The following SUPT16H variants were observed in gnomAD, a reference collection of about 807,000 sequenced individuals.
The protein encoded by SUPT16H is SPT16 homolog, facilitates chromatin remodeling subunit.
Under a neutral mutation model 136.2 loss-of-function variants are expected in SUPT16H, and 24 were observed. The ratio of observed to expected loss-of-function variants is 0.18; its 90% CI spans 0.13 to 0.25. The LOEUF (loss-of-function observed/expected upper bound fraction) is 0.25, where lower values mean the gene tolerates loss of function less well. Among genes scored for constraint, SUPT16H ranks in the 10% least tolerant of loss-of-function variants. SUPT16H has a pLI of 1.00. For synonymous variants in SUPT16H, 415 were observed against 428.2 expected, an observed-to-expected ratio of 0.97 and a Z score of 0.38; for missense variants, 623 against 1,270.2, an observed-to-expected ratio of 0.49 and a Z score of 7.74.
intron 1 of SUPT16H, among the ~76,000 whole-genome samples, chr14:21,374,897 G>A (rs1283756758): frequency 3.3e-5 from 5 of 152,206 alleles, no homozygotes; most frequent in African/African-American, 1.2e-4. Flanking sequence ...CACCATGACT[G>A]CACTAGTCAC....
rs1594298822 is a variant in SUPT16H, at chr14:21,358,435, A to C, written c.2302-8T>G. ...CCTCATTTCTCGTTCCATCTGTAGAAGAAAAAAATATCAAATACAGCCATC... is the reference window on the plus strand; with the variant it reads ...CCTCATTTCTCGTTCCATCTGTAGACGAAAAAAATATCAAATACAGCCATC... On this transcript the variant is annotated splice_region_variant and splice_polypyrimidine_tract_variant and intron_variant, in intron 19 of 25. Transcript: ENST00000216297. The C allele has an allele frequency of 6.3e-7, 1 of 1,590,384 alleles. No homozygotes were observed. Among genetic ancestry groups the C allele is most frequent in the African/African-American group, 1.3e-5 (1 of 74,356 alleles).
chr14:21,367,628 G>C (rs1373788896), intron 7 of SUPT16H, among the ~76,000 whole-genome samples: 3 of 152,194 alleles, frequency 2.0e-5, no homozygotes, highest in African/African-American at 7.2e-5. Context: ...AGGATTAACA[G>C]TATATATCCT....
At chr14:21,362,369 G>T (rs1886574934) in intron 14 of SUPT16H, 45 bp from the exon 15 acceptor site, 2 of 1,580,506 alleles carry the variant, frequency 1.3e-6, no homozygotes, top group African/African-American at 2.7e-5. Context: ...TTCTTTCCTA[G>T]AGATTAGTAG....
At chr14:21,365,885 T>G (rs1465199342) in intron 8 of SUPT16H, among the ~76,000 whole-genome samples, 1 of 152,118 alleles carries the variant, frequency 6.6e-6, no homozygotes, top group Non-Finnish European at 1.5e-5. Context: ...GGAGGACTGC[T>G]TGAGCCCACG....
intron 15 of SUPT16H, among the ~76,000 whole-genome samples, chr14:21,361,947 G>A (rs1435442622): frequency 6.6e-6 from 1 of 152,030 alleles, no homozygotes; most frequent in Non-Finnish European, 1.5e-5. Flanking sequence ...TTTTTTAGAA[G>A]AGACAAGGTC....
At chr14:21,366,188 C>T (rs1339837208) in intron 8 of SUPT16H, among the ~76,000 whole-genome samples, 2 of 152,208 alleles carry the variant, frequency 1.3e-5, no homozygotes, top group African/African-American at 2.4e-5. Flanking sequence ...TATTTCCTAA[C>T]ATCTGTAATT....
Position 21,383,922 on chromosome 14 carries a change from A to T in SUPT16H, c.6T>A (p.Ala2=). 2 of 1,612,498 alleles carry T rather than the reference A, an allele frequency of 1.2e-6. No individual in the cohort carries two copies. The highest frequency in any genetic ancestry group is 3.3e-5 in the Admixed American group (2 of 60,028). Residue 2 remains alanine, a synonymous_variant, in exon 1 of 26, where the codon GCT becomes GCA. Transcript: ENST00000216297. ...AATAAGCGTCTTTGTCCAGAGTCAC[A>T]GCCATAGCCCCGGACGCCGCTTCTC... M[A]VTLDKDAYYR...
intron 1 of SUPT16H, chr14:21,383,011 C>T (rs1005815206): frequency 3.3e-5 from 5 of 152,228 alleles, no homozygotes; most frequent in Non-Finnish European, 7.3e-5. Flanking sequence ...TTAGCTGTAT[C>T]TTCCCTTGAT....
At position 21,373,119 on chromosome 14, in the gene SUPT16H, TA is replaced by T. The variant is rs138225315; in HGVS notation, c.159+218del. 5.6e-3 allele frequency among the ~76,000 whole-genome samples: 854 copies of T among 152,258 alleles called. 9 individuals are homozygous for T. Among genetic ancestry groups the T allele is most frequent in the African/African-American group, 0.02 (821 of 41,546 alleles). On this transcript the variant is annotated intron_variant, in intron 2 of 25. Coordinates refer to ENST00000216297, the MANE Select transcript of SUPT16H (RefSeq NM_007192.4). Reference sequence around the variant, plus strand: ...CCCCCACATCTGCTTAATTTTTTTGTATTTCTTGTAAAGACAGGGTTTTGCC... The same window carrying T: ...CCCCCACATCTGCTTAATTTTTTTGTTTTCTTGTAAAGACAGGGTTTTGCC...
At chr14:21,362,712 T>C in intron 14 of SUPT16H, 82 bp downstream of exon 14, 2 of 1,470,762 alleles carry the variant, frequency 1.4e-6, no homozygotes, top group Non-Finnish European at 1.8e-6. Context: ...GGAGACATGA[T>C]GAATGCAGAT....
rs780404170 is a variant in SUPT16H at position 21,362,809 on chromosome 14, G to A, written c.1650C>T (p.His550=). The A allele has an allele frequency of 3.7e-6, 6 of 1,606,922 alleles. No homozygotes were observed. The highest frequency in any genetic ancestry group is 1.7e-5 in the Admixed American group (1 of 58,782). ...MPVFGIATPF[H]IATIKNISMS... The stretch of plus-strand genomic sequence containing the variant: ...ATGTCAGTACCTTGATTGTGGCAAT[G>A]TGAAACGGTGTTGCAATGCCAAACA... The change falls in exon 14 of 26, where the codon CAC becomes CAT. Residue 550 remains histidine, a synonymous_variant. Transcript: ENST00000216297.
In SUPT16H at chr14:21,363,490, G is replaced by T. The variant is rs1886600607; in HGVS notation, c.1247C>A (p.Thr416Asn). 2 of 1,613,254 alleles carry T rather than the reference G, an allele frequency of 1.2e-6. No homozygotes were observed. Among genetic ancestry groups the T allele is most frequent in the East Asian group, 4.5e-5 (2 of 44,856 alleles). Residue 416 changes from threonine to asparagine, a missense_variant, in exon 11 of 26, where the codon ACT becomes AAT. By Grantham distance (65) the Thr-to-Asn change is moderately conservative. This residue lies in a region of SUPT16H where 343 missense variants were observed against 525.7 expected (regional missense o/e 0.65). Transcript: ENST00000216297. ...TTTCTTCTTCACAGAAGTGAGAACA[G>T]TAGCTGGGCCATCCTAGAATTAAAA... ...TVLVDEDGPA[T>N]VLTSVKKKVK...
intron 10 of SUPT16H, 123 bp from the exon 11 acceptor site, chr14:21,363,626 T>C (rs1566386379): frequency 1.2e-6 from 1 of 814,904 alleles, no homozygotes; most frequent in Non-Finnish European, 2.0e-6. Context: ...AATGAATAAA[T>C]ATAGTTTTTA....
intron 7 of SUPT16H, among the ~76,000 whole-genome samples, chr14:21,367,432 G>C (rs927475809): frequency 2.6e-5 from 4 of 152,176 alleles, no homozygotes; most frequent in South Asian, 2.1e-4. Flanking sequence ...TAATTTTTCA[G>C]GATCTAGACT....
At chr14:21,356,336 T>C (rs1886433587) in intron 22 of SUPT16H, among the ~76,000 whole-genome samples, 1 of 152,156 alleles carries the variant, frequency 6.6e-6, no homozygotes. Flanking sequence ...AAATAAATCG[T>C]GTTCCAGTGG....
At chr14:21,373,471 G>T (rs774332319) in intron 1 of SUPT16H, 41 bp from the exon 2 acceptor site, 9 of 1,388,102 alleles carry the variant, frequency 6.5e-6, no homozygotes, top group Non-Finnish European at 9.2e-6. Context: ...TTTCACACTA[G>T]CAAAACAGGA....
At chr14:21,364,232 G>A (rs1479425503) in intron 10 of SUPT16H, among the ~76,000 whole-genome samples, 1 of 1,092 alleles carries the variant, frequency 9.2e-4, no homozygotes, top group Non-Finnish European at 2.8e-3. Flanking sequence ...AAATCAGTTC[G>A]CTGAGGGAAA....
At position 21,372,040 on chromosome 14, in the gene SUPT16H, C is replaced by G. The variant is rs1413068820; in HGVS notation, c.164G>C (p.Trp55Ser). ...ATCAGTTAGTTCATAACCAAAGAGC[C>G]ATGTCTATGGAAAAAGACAACAGTG... Reference protein sequence around the residue: ...VYAKSTALQTWLFGYELTDTI... With the variant: ...VYAKSTALQTSLFGYELTDTI... The change falls in exon 3 of 26, where the codon TGG becomes TCG. Residue 55 changes from tryptophan (W) to serine (S), a missense_variant. Transcript: ENST00000216297. 1 of 1,609,790 alleles carries G rather than the reference C, an allele frequency of 6.2e-7. No homozygotes were observed. Among genetic ancestry groups the G allele is most frequent in the Non-Finnish European group, 8.5e-7 (1 of 1,178,384 alleles).
chr14:21,362,445 A>G, intron 14 of SUPT16H, 121 bp from the exon 15 acceptor site: 1 of 948,192 alleles, frequency 1.1e-6, no homozygotes, highest in East Asian at 2.9e-5. Context: ...ATCTAAATCT[A>G]ATAAATTTAC....
Sources: allele counts gnomAD v4.1 joint callset (sites outside exome capture counted in the v4.1 genomes callset), GRCh38; gene constraint gnomAD v4.1.1; regional missense constraint gnomAD v4.1.1; transcripts MANE v1.5; gene names NCBI Gene and HGNC (gene_info 2026-07-23, HGNC 2026-07-21).